DCAF6: variants seen among roughly 807,000 people sequenced by gnomAD.
The protein encoded by DCAF6 is DDB1 and CUL4 associated factor 6, also known as DDB1- and CUL4-associated factor 6.
A neutral mutation model predicts 125.1 loss-of-function variants in DCAF6; 54 were observed. The observed-to-expected ratio is 0.43, with a 90% CI of 0.35 to 0.54. The LOEUF (loss-of-function observed/expected upper bound fraction) is 0.54. DCAF6 is among the 20% of genes least tolerant of loss of function. The pLI is 0.01. For missense variants in DCAF6, 934 were observed against 1,161.7 expected (o/e 0.80, Z 2.85); for synonymous variants, 371 against 390.4 (o/e 0.95, Z 0.58).
Position 168,038,358 on chromosome 1 carries a change from A to G in DCAF6, c.1610-13A>G. ...TCAGAGACTTTTTCAAATGTTTTAA[A>G]CACAATTTTCAGATAACAATAATGA... On this transcript the variant is annotated splice_polypyrimidine_tract_variant and intron_variant, in intron 12 of 21. Coordinates refer to ENST00000367840, the MANE Select transcript of DCAF6 (RefSeq NM_001198956.2). 6.3e-7 allele frequency: 1 copy of G among 1,589,766 alleles called. No individual in the cohort carries two copies. The highest frequency in any genetic ancestry group is 8.6e-7 in the Non-Finnish European group (1 of 1,166,210).
chr1:167,868,660 A>G, the DCAF6 span, among the ~76,000 whole-genome samples: 1 of 152,196 alleles, frequency 6.6e-6, no homozygotes, highest in African/African-American at 2.4e-5. Context: ...CTATTAAACC[A>G]TCTTTCTTCC....
intron 10 of DCAF6, among the ~76,000 whole-genome samples, chr1:168,010,857 A>G (rs1263000091): frequency 6.6e-6 from 1 of 152,150 alleles, no homozygotes; most frequent in Non-Finnish European, 1.5e-5. Flanking sequence ...TTTGTAAATT[A>G]TTCTCATGTT....
At chr1:167,922,488 A>G in the DCAF6 span, among the ~76,000 whole-genome samples, 1 of 152,140 alleles carries the variant, frequency 6.6e-6, no homozygotes, top group South Asian at 2.1e-4. Flanking sequence ...CTATAAAGAT[A>G]TATTATTACT....
chr1:167,878,971 C>T, the DCAF6 span, among the ~76,000 whole-genome samples: 6 of 152,232 alleles, frequency 3.9e-5, no homozygotes, highest in Admixed American at 2.6e-4. Flanking sequence ...TGGTCTTCTG[C>T]CACAAGGTGG....
At chr1:168,022,173 G>A (rs2103235953) in intron 11 of DCAF6, among the ~76,000 whole-genome samples, 1 of 152,200 alleles carries the variant, frequency 6.6e-6, no homozygotes, top group African/African-American at 2.4e-5. Context: ...TCTGATGAGT[G>A]CTCTTTCCAT....
At chr1:167,977,931 T>C (rs1375328495) in intron 4 of DCAF6, among the ~76,000 whole-genome samples, 9 of 152,316 alleles carry the variant, frequency 5.9e-5, no homozygotes. Context: ...CACTGGAGTT[T>C]TCTGTTTTTT....
chr1:168,075,439 ACT>A lies in DCAF6; in HGVS notation c.*7_*8del, dbSNP rs1457588358. 6 of 1,592,064 alleles carry A rather than the reference ACT, an allele frequency of 3.8e-6. No homozygotes were observed. The African/African-American group carries it at 5.4e-5, about 14-fold the overall frequency. Reference sequence around the variant, plus strand: ...TGAAAATGAGGATGAGGAATAATAAACTCTTTTTGGCAAGCACTTAAATGTTC... The same window carrying A: ...TGAAAATGAGGATGAGGAATAATAAACTTTTTGGCAAGCACTTAAATGTTC... On this transcript the variant is annotated 3_prime_UTR_variant, in exon 22 of 22. Transcript: ENST00000367840.
chr1:167,993,503 G>A (rs1472769619), intron 7 of DCAF6, 63 bp downstream of exon 7: 29 of 1,372,722 alleles, frequency 2.1e-5, no homozygotes, highest in Middle Eastern at 3.6e-4. Flanking sequence ...TAATCCCAGC[G>A]CTTTGGGAGG....
At chr1:168,004,326 G>T (rs991135594) in intron 9 of DCAF6, among the ~76,000 whole-genome samples, 3 of 152,076 alleles carry the variant, frequency 2.0e-5, no homozygotes, top group Non-Finnish European at 4.4e-5. Flanking sequence ...AAGATTGATT[G>T]CTTTAACAAG....
At chr1:167,953,366 C>A (rs1674275558) in intron 2 of DCAF6, among the ~76,000 whole-genome samples, 1 of 152,172 alleles carries the variant, frequency 6.6e-6, no homozygotes, top group Non-Finnish European at 1.5e-5. Flanking sequence ...CAGTATCTTT[C>A]TCCTTACATT....
chr1:167,876,033 G>A, the DCAF6 span, among the ~76,000 whole-genome samples: 1 of 152,152 alleles, frequency 6.6e-6, no homozygotes, highest in South Asian at 2.1e-4. Flanking sequence ...GAGGCAGGTG[G>A]ATCATCTGAG....
At chr1:167,898,110 A>G in the DCAF6 span, among the ~76,000 whole-genome samples, 1 of 151,462 alleles carries the variant, frequency 6.6e-6, no homozygotes, top group African/African-American at 2.4e-5. Flanking sequence ...GTGACATTCA[A>G]ATAAGGTCTT....
At chr1:167,920,065 A>C in the DCAF6 span, 1 of 1,613,198 alleles carries the variant, frequency 6.2e-7, no homozygotes, top group Non-Finnish European at 8.5e-7. Context: ...GAATAATTAC[A>C]AGTGAGTATC....
At chr1:168,051,159 T>A (rs1471430098) in intron 17 of DCAF6, among the ~76,000 whole-genome samples, 2 of 152,236 alleles carry the variant, frequency 1.3e-5, no homozygotes. Context: ...AGACTGATGT[T>A]CACTTCAAAT....
chr1:167,971,864 T>C (rs918705593), intron 3 of DCAF6, among the ~76,000 whole-genome samples: 1 of 151,070 alleles, frequency 6.6e-6, no homozygotes, highest in African/African-American at 2.4e-5. Context: ...TTATTGTAAT[T>C]TTTTTTTTTG....
Position 167,956,862 on chromosome 1 carries a change from C to T in DCAF6, c.159+5001C>T, listed in dbSNP as rs142889486. On this transcript the variant is annotated intron_variant, in intron 2 of 21. Transcript: ENST00000367840. ...CATCTGTTATTTCTTAGTTTTCCAA[C>T]GTATCTTTATGTTAATGATTTCTGA... Among the ~76,000 whole-genome samples the T allele has an allele frequency of 2.2e-3, 331 of 152,164 alleles. 2 individuals carry two copies. Among genetic ancestry groups the T allele is most frequent in the African/African-American group, 7.2e-3 (299 of 41,528 alleles).
At chr1:167,875,770 GA>G in the DCAF6 span, among the ~76,000 whole-genome samples, 1 of 152,128 alleles carries the variant, frequency 6.6e-6, no homozygotes, top group Non-Finnish European at 1.5e-5. Context: ...CTAACACGGT[GA>G]AACCCCGTCT....
chr1:167,936,701 A>G lies in DCAF6; in HGVS notation c.-211A>G, dbSNP rs1253524378. 2 of 562,022 alleles carry G rather than the reference A, an allele frequency of 3.6e-6. No homozygotes were observed. Among genetic ancestry groups the G allele is most frequent in the East Asian group, 3.1e-5 (1 of 31,992 alleles). The allele number at this position is 562,022 out of a possible 1,614,324, so 34.8% of individuals were successfully genotyped here. A position where few individuals can be genotyped will look rare whatever the true frequency, so the allele number is the denominator to read the frequency against. The stretch of plus-strand genomic sequence containing the variant: ...GATCTTTGGATGTTCTGGTTAGTCT[A>G]AGAAGGAGAGTATGAGGCGAGCTCC... On this transcript the variant is annotated 5_prime_UTR_variant, in exon 1 of 22. The change abolishes the stop of an existing upstream ORF in the 5' untranslated region. Coordinates refer to ENST00000367840, the MANE Select transcript of DCAF6 (RefSeq NM_001198956.2).
chr1:167,893,026 A>G, the DCAF6 span, among the ~76,000 whole-genome samples: 2 of 152,248 alleles, frequency 1.3e-5, no homozygotes, highest in African/African-American at 2.4e-5. Flanking sequence ...TGACTGGCAT[A>G]TGGTGAGTGA....
Sources: gnomAD v4.1 joint callset for allele counts (sites outside exome capture counted in the v4.1 genomes callset) on GRCh38, gnomAD v4.1.1 for gene constraint, MANE v1.5 for transcripts, NCBI Gene and HGNC (gene_info 2026-07-23, HGNC 2026-07-21) for gene names.